CWC27: variants seen among roughly 807,000 people sequenced by gnomAD.
CWC27 encodes the protein spliceosome-associated protein CWC27 homolog.
CWC27 carries 47 observed loss-of-function variants against 63.6 expected under a neutral mutation model. The ratio of observed to expected loss-of-function variants is 0.74; its 90% CI spans 0.58 to 0.94. CWC27 has a LOEUF of 0.94. Ranked by LOEUF, CWC27 falls within the 40% of genes least tolerant of loss-of-function variation. The pLI is 0.00. For synonymous variants in CWC27, 175 were observed against 179.8 expected, an observed-to-expected ratio of 0.97 and a Z score of 0.22; for missense variants, 495 against 554.3, an observed-to-expected ratio of 0.89 and a Z score of 1.07.
At chr5:64,938,525 G>A (rs1748406448) in intron 11 of CWC27, among the ~76,000 whole-genome samples, 1 of 152,080 alleles carries the variant, frequency 6.6e-6, no homozygotes, top group Admixed American at 6.5e-5. Context: ...TTTCTCCCTG[G>A]CTGCCCTTAA....
intron 11 of CWC27, among the ~76,000 whole-genome samples, chr5:64,965,946 T>A (rs1373736903): frequency 6.6e-6 from 1 of 152,194 alleles, no homozygotes; most frequent in Non-Finnish European, 1.5e-5. Flanking sequence ...CAGGAGGATT[T>A]GAACTACGTG....
chr5:64,808,317 A>G (rs1744760943), intron 10 of CWC27: 2 of 988,910 alleles, frequency 2.0e-6, no homozygotes, highest in African/African-American at 3.5e-5. Flanking sequence ...AAGGTCAGCA[A>G]GTTGTCAGCA....
At chr5:64,854,177 A>G (rs1258076037) in intron 10 of CWC27, among the ~76,000 whole-genome samples, 1 of 152,218 alleles carries the variant, frequency 6.6e-6, no homozygotes, top group Non-Finnish European at 1.5e-5. Flanking sequence ...TTTTATGTAT[A>G]TACCAAATTT....
chr5:64,848,330 G>T (rs1746042839), intron 10 of CWC27, among the ~76,000 whole-genome samples: 2 of 152,112 alleles, frequency 1.3e-5, no homozygotes, highest in Admixed American at 1.3e-4. Flanking sequence ...TGAGTAAGCA[G>T]ATTGAATTAG....
At chr5:64,995,001 C>G (rs1749605406) in intron 13 of CWC27, among the ~76,000 whole-genome samples, 1 of 145,602 alleles carries the variant, frequency 6.9e-6, no homozygotes, top group Non-Finnish European at 1.5e-5. Flanking sequence ...TTTACAAAAG[C>G]TCTGAAATTT....
intron 13 of CWC27, among the ~76,000 whole-genome samples, chr5:65,016,114 C>T (rs1750043731): frequency 6.6e-6 from 1 of 152,126 alleles, no homozygotes; most frequent in African/African-American, 2.4e-5. Context: ...GAACAGTCAG[C>T]CTTTTTCTGG....
intron 10 of CWC27, among the ~76,000 whole-genome samples, chr5:64,845,166 C>T (rs1052712853): frequency 6.6e-6 from 1 of 152,176 alleles, no homozygotes; most frequent in Non-Finnish European, 1.5e-5. Context: ...AATTAGAGAA[C>T]TCCCAACAAG....
intron 10 of CWC27, among the ~76,000 whole-genome samples, chr5:64,810,673 G>A (rs1397186635): frequency 1.3e-5 from 2 of 151,776 alleles, no homozygotes; most frequent in Admixed American, 6.6e-5. Flanking sequence ...TCACATCTAA[G>A]AGCATACATT....
intron 11 of CWC27, among the ~76,000 whole-genome samples, chr5:64,949,795 C>T (rs1470939858): frequency 6.6e-6 from 1 of 151,952 alleles, no homozygotes; most frequent in African/African-American, 2.4e-5. Context: ...CCTCAATATT[C>T]AAGTAGTTGT....
In CWC27 at chr5:64,881,476, T is replaced by G. The variant is rs992657951; in HGVS notation, c.939-3967T>G. ...TCATTTATAATAAATAATAAAGAAC[T>G]ATGCCCATATGACAGACAGCTCTTA... is the stretch of plus-strand genomic sequence containing the variant. On this transcript the variant is annotated intron_variant, in intron 10 of 13. Transcript: ENST00000381070. Among the ~76,000 whole-genome samples the G allele has an allele frequency of 1.3e-4, 20 of 152,144 alleles. 1 individual carries two copies. Among genetic ancestry groups the G allele is most frequent in the Admixed American group, 1.1e-3 (17 of 15,276 alleles).
At position 64,907,717 on chromosome 5, in the gene CWC27, A is replaced by C. The variant is rs143162785; in HGVS notation, c.1042+22171A>C. ...AACACTATGTTAAATAGGAGTGGTG[A>C]GAGAGGGCATCCCTATCTTGTGCCA... On this transcript the variant is annotated intron_variant, in intron 11 of 13. Coordinates refer to ENST00000381070, the MANE Select transcript of CWC27 (RefSeq NM_005869.4). Among the ~76,000 whole-genome samples the C allele has an allele frequency of 6.5e-3, 988 of 152,266 alleles. 13 individuals are homozygous for C. The highest frequency in any genetic ancestry group is 0.022 in the African/African-American group (932 of 41,546).
At chr5:64,807,578 C>A in intron 10 of CWC27, 1 of 1,518,596 alleles carries the variant, frequency 6.6e-7, no homozygotes, top group Non-Finnish European at 8.8e-7. Flanking sequence ...TTAAAATGTA[C>A]CAATCCCACT....
chr5:64,786,774 G>A (rs1436726900), intron 6 of CWC27, 147 bp downstream of exon 6: 4 of 559,890 alleles, frequency 7.1e-6, no homozygotes, highest in Non-Finnish European at 1.3e-5. Flanking sequence ...GTGTGTGGTT[G>A]TATTAGTTCA....
chr5:64,861,253 ATT>A (rs903260364), intron 10 of CWC27, among the ~76,000 whole-genome samples: 2 of 143,506 alleles, frequency 1.4e-5, no homozygotes, highest in African/African-American at 5.1e-5. Context: ...GCCTCTTCTT[ATT>A]TTTTTTTTTC....
intron 10 of CWC27, among the ~76,000 whole-genome samples, chr5:64,880,569 G>T (rs1196307115): frequency 4.0e-5 from 6 of 151,868 alleles, no homozygotes; most frequent in Admixed American, 2.6e-4. Flanking sequence ...AATATTAAGT[G>T]CTCCAGAAAT....
At chr5:64,957,088 G>C (rs965616215) in intron 11 of CWC27, among the ~76,000 whole-genome samples, 4 of 152,152 alleles carry the variant, frequency 2.6e-5, no homozygotes, top group Non-Finnish European at 5.9e-5. Flanking sequence ...TTTAAGGACT[G>C]TTTTGAACAG....
Position 64,885,737 on chromosome 5 carries a change from G to GTGTGTGTGTGTGTGTT in CWC27, c.1042+192_1042+193insGTGTGTGTGTGTGTTT, listed in dbSNP as rs778534933. On this transcript the variant is annotated intron_variant, in intron 11 of 13. Transcript: ENST00000381070. ...TGTGTGTGTGTGTGTGTGTGTGTGTGTTTTTAATACTTTCTTTGAACAGTT... is the reference window on the plus strand; with the variant it reads ...TGTGTGTGTGTGTGTGTGTGTGTGTGTGTGTGTGTGTGTGTTTTTTTAATACTTTCTTTGAACAGTT... Among the ~76,000 whole-genome samples, 32 of 141,634 alleles carry GTGTGTGTGTGTGTGTT rather than the reference G, an allele frequency of 2.3e-4. No individual in the cohort carries two copies. The South Asian group carries it at 2.8e-3, about 12-fold the overall frequency. The allele number at this position is 141,634 out of a possible 152,430, so 92.9% of individuals were successfully genotyped here. A position where few individuals can be genotyped will look rare whatever the true frequency, so the allele number is the denominator to read the frequency against.
rs777723083 is a variant in CWC27 at position 64,783,909 on chromosome 5, A to G, written c.326A>G (p.Asn109Ser). ...VAMANAGSHD[N>S]GSQFFFTLGR... is the part of the protein sequence containing the mutation. ...ATGGCAAATGCTGGTTCTCATGATA[A>G]TGGCAGCCAGTTTTTCTTCACACTG... Residue 109 changes from asparagine to serine, a missense_variant, in exon 4 of 14, where the codon AAT (asparagine) becomes AGT (serine). Physicochemically the swap from Asn to Ser is conservative, Grantham distance 46. This residue lies in a region of CWC27 where 463 missense variants were observed against 498.1 expected (regional missense o/e 0.93). Transcript: ENST00000381070. 6.2e-6 allele frequency: 10 copies of G among 1,608,422 alleles called. No individual in the cohort carries two copies. The highest frequency in any genetic ancestry group is 5.6e-5 in the South Asian group (5 of 89,914).
chr5:64,960,922 G>GTTT (rs5868394), intron 11 of CWC27, among the ~76,000 whole-genome samples: 2 of 147,442 alleles, frequency 1.4e-5, no homozygotes, highest in Admixed American at 6.8e-5. Flanking sequence ...TCAATACACT[G>GTTT]TTTTTTTTTT....
Sources: gnomAD v4.1 joint callset for allele counts (sites outside exome capture counted in the v4.1 genomes callset) on GRCh38, gnomAD v4.1.1 for gene constraint, gnomAD v4.1.1 regional missense constraint, MANE v1.5 for transcripts, NCBI Gene and HGNC (gene_info 2026-07-23, HGNC 2026-07-21) for gene names.